The following ANKRD28 variants were observed in gnomAD, a reference collection of about 807,000 sequenced individuals.
The protein encoded by ANKRD28 is ankyrin repeat domain 28, also known as serine/threonine-protein phosphatase 6 regulatory ankyrin repeat subunit A.
In ANKRD28, 44 loss-of-function variants were observed where a neutral mutation model predicts 126.5. The ratio of observed to expected loss-of-function variants is 0.35; its 90% CI spans 0.27 to 0.45. The LOEUF (loss-of-function observed/expected upper bound fraction) is 0.45, where lower values mean the gene tolerates loss of function less well. Ranked by LOEUF, ANKRD28 falls within the 20% of genes least tolerant of loss-of-function variation. The probability of loss-of-function intolerance (pLI) is 1.00; values close to 1 mark genes in which losing one functional copy is unlikely to be tolerated. For synonymous variants in ANKRD28, 442 were observed against 468.5 expected (o/e 0.94, Z 0.73); for missense variants, 1,110 against 1,316.6 (o/e 0.84, Z 2.43).
At chr3:15,857,510 C>T (rs2061799649) in intron 1 of ANKRD28, among the ~76,000 whole-genome samples, 1 of 152,196 alleles carries the variant, frequency 6.6e-6, no homozygotes, top group Non-Finnish European at 1.5e-5. Flanking sequence ...GTCTTGAACT[C>T]CTAACCTCAA....
In ANKRD28 at chr3:15,845,325, T is replaced by C. The variant is rs1165433314; in HGVS notation, c.27+14052A>G. Among the ~76,000 whole-genome samples, 3 of 152,090 alleles carry C rather than the reference T, an allele frequency of 2.0e-5. No individual in the cohort carries two copies. The highest frequency in any genetic ancestry group is 4.4e-5 in the Non-Finnish European group (3 of 68,022). ...CATTTCTAAAGTATATATATATATA[T>C]ATTCCATATTACATTTATCCCTCTT... On this transcript the variant is annotated intron_variant, in intron 1 of 27. Coordinates refer to the ANKRD28 transcript ENST00000399451. The surrounding 1 kb of genome is among the most constrained non-coding windows in gnomAD (Gnocchi z 4.9).
intron 3 of ANKRD28, among the ~76,000 whole-genome samples, chr3:15,753,156 AG>A (rs2057961099): frequency 6.6e-6 from 1 of 152,238 alleles, no homozygotes; most frequent in African/African-American, 2.4e-5. Flanking sequence ...CTATGGAAGA[AG>A]GAAAGGAAGA....
chr3:15,677,210 C>T (rs902414058), intron 25 of ANKRD28, among the ~76,000 whole-genome samples, 154 bp from the exon 26 acceptor site: 1 of 152,084 alleles, frequency 6.6e-6, no homozygotes, highest in Non-Finnish European at 1.5e-5. Context: ...TGCCCAAACA[C>T]ATCTTGGGAG....
intron 1 of ANKRD28, among the ~76,000 whole-genome samples, chr3:15,857,480 T>A: frequency 1.3e-5 from 2 of 152,198 alleles, no homozygotes; most frequent in East Asian, 3.8e-4. Flanking sequence ...AAACGGGGTT[T>A]CACCATGTTG....
intron 14 of ANKRD28, among the ~76,000 whole-genome samples, chr3:15,702,981 C>CA (rs372381349): frequency 9.8e-4 from 150 of 152,304 alleles, no homozygotes; most frequent in African/African-American, 3.6e-3. Flanking sequence ...ATCTCCATTT[C>CA]ACAGATTAAA....
At position 15,669,903 on chromosome 3, in the gene ANKRD28, T is replaced by G. The variant is rs926635363; in HGVS notation, c.*367A>C. On this transcript the variant is annotated 3_prime_UTR_variant, in exon 28 of 28. Coordinates refer to ENST00000683139, the MANE Select transcript of ANKRD28 (RefSeq NM_001349278.2). ...TATTGCCTTTAAATTTAGTTGTAAT[T>G]TTATTGATAAAATTTAAATCTAGTG... is the stretch of plus-strand genomic sequence containing the variant. 1.8e-5 allele frequency: 3 copies of G among 169,278 alleles called. No homozygotes were observed. The highest frequency in any genetic ancestry group is 7.2e-5 in the African/African-American group (3 of 41,884). The allele number at this position is 169,278 out of a possible 1,614,324, so 10.5% of individuals were successfully genotyped here.
chr3:15,794,155 T>C (rs894760952), intron 2 of ANKRD28, among the ~76,000 whole-genome samples: 1 of 152,178 alleles, frequency 6.6e-6, no homozygotes, highest in African/African-American at 2.4e-5. Context: ...GCAATTCACT[T>C]AGAAAAAATT....
rs2071688281 is a variant in ANKRD28, at chr3:15,707,994, T to C, written c.1477A>G (p.Ser493Gly). The part of the protein sequence containing the change: ...CLFALVGSGA[S>G]VNDLDERGCT... ...CCTCTTTCATCAAGGTCATTCACAC[T>C]TGCTCCTGATCCCACAAGAGCAAAC... Residue 493 changes from serine (S) to glycine (G), a missense_variant, in exon 14 of 28, where the codon AGT becomes GGT. Physicochemically the swap from Ser to Gly is moderately conservative, Grantham distance 56. Transcript: ENST00000683139. 1 of 1,611,884 alleles carries C rather than the reference T, an allele frequency of 6.2e-7. No individual in the cohort carries two copies. Among genetic ancestry groups the C allele is most frequent in the South Asian group, 1.1e-5 (1 of 90,572 alleles).
At chr3:15,859,388 G>A in exon 1 of ANKRD28, 13 of 1,528,768 alleles carry the variant, frequency 8.5e-6, no homozygotes, top group Non-Finnish European at 9.6e-6. Flanking sequence ...TGGTCACGGA[G>A]TTTGAGGAAC....
intron 13 of ANKRD28, among the ~76,000 whole-genome samples, chr3:15,709,312 G>T (rs901033261): frequency 1.2e-4 from 18 of 152,112 alleles, no homozygotes; most frequent in Admixed American, 1.0e-3. Context: ...TTGGAGAAAG[G>T]AGAACTGTAT....
At position 15,774,529 on chromosome 3, in the gene ANKRD28, T is replaced by C. The variant is rs186948630; in HGVS notation, c.202-8217A>G. Reference sequence around the variant, plus strand: ...CAAACACTACCTCACATTATATGTATAATTTAACTGCAAATATATTATAAA... The same window carrying C: ...CAAACACTACCTCACATTATATGTACAATTTAACTGCAAATATATTATAAA... On this transcript the variant is annotated intron_variant, in intron 2 of 27. Coordinates refer to ENST00000683139, the MANE Select transcript of ANKRD28 (RefSeq NM_001349278.2). Among the ~76,000 whole-genome samples, 215 of 152,286 alleles carry C rather than the reference T, an allele frequency of 1.4e-3. 1 individual carries two copies. The highest frequency in any genetic ancestry group is 4.9e-3 in the African/African-American group (203 of 41,580).
In ANKRD28 at chr3:15,854,231, A is replaced by G. The variant is rs776891630; in HGVS notation, c.27+5146T>C. Reference sequence around the variant, plus strand: ...TCCAAACTTCTCAGCCTGGGATTCAAAGTACTTAATGTAGTCACTGTTAAC... The same window carrying G: ...TCCAAACTTCTCAGCCTGGGATTCAGAGTACTTAATGTAGTCACTGTTAAC... On this transcript the variant is annotated intron_variant, in intron 1 of 27. Coordinates refer to the ANKRD28 transcript ENST00000399451. The surrounding 1 kb of genome is among the most constrained non-coding windows in gnomAD (Gnocchi z 4.1). Among the ~76,000 whole-genome samples the G allele has an allele frequency of 1.3e-5, 2 of 152,216 alleles. No individual in the cohort carries two copies. Among genetic ancestry groups the G allele is most frequent in the Non-Finnish European group, 2.9e-5 (2 of 68,030 alleles).
At chr3:15,673,538 T>C (rs530396705) in intron 27 of ANKRD28, among the ~76,000 whole-genome samples, 11 of 152,334 alleles carry the variant, frequency 7.2e-5, no homozygotes, top group Non-Finnish European at 1.0e-4. Context: ...GTACATTATA[T>C]ACAATATGTT....
Position 15,796,687 on chromosome 3 carries a change from GT to G in ANKRD28, c.-167del. On this transcript the variant is annotated 5_prime_UTR_variant, in exon 1 of 28. Coordinates refer to ENST00000683139, the MANE Select transcript of ANKRD28 (RefSeq NM_001349278.2). ...TTAATAAGTACTACTGGAAAAACAA[GT>G]TTAAAATTATGACTACATAATTTGT... 2.1e-6 allele frequency: 2 copies of G among 959,398 alleles called. No homozygotes were observed. Among genetic ancestry groups the G allele is most frequent in the Non-Finnish European group, 2.5e-6 (2 of 802,806 alleles). 59.4% of individuals were successfully genotyped at this position (959,398 alleles called of 1,614,324 possible).
At position 15,680,016 on chromosome 3, in the gene ANKRD28, A is replaced by G. The variant is rs1054856684; in HGVS notation, c.2390-453T>C. Among the ~76,000 whole-genome samples the G allele has an allele frequency of 2.2e-4, 34 of 152,304 alleles. 5 individuals are homozygous for G. Among genetic ancestry groups the G allele is most frequent in the Admixed American group, 9.8e-4 (15 of 15,302 alleles). ...ATATGCAAATACTATCCCATTTTCT[A>G]TAAGGGACTTGAGCGCCTGTTGGTT... On this transcript the variant is annotated intron_variant, in intron 21 of 27. Coordinates refer to ENST00000683139, the MANE Select transcript of ANKRD28 (RefSeq NM_001349278.2).
At chr3:15,850,746 T>C (rs998329531) in intron 1 of ANKRD28, among the ~76,000 whole-genome samples, 10 of 152,178 alleles carry the variant, frequency 6.6e-5, no homozygotes, top group African/African-American at 2.4e-4. Context: ...TTTTGTAACA[T>C]CCTTTAGAAT....
At chr3:15,699,151 T>C (rs1030741387) in intron 14 of ANKRD28, among the ~76,000 whole-genome samples, 1 of 152,238 alleles carries the variant, frequency 6.6e-6, no homozygotes, top group Non-Finnish European at 1.5e-5. Flanking sequence ...AAGGATTTCT[T>C]ATTTAATAAA....
chr3:15,786,413 A>G (rs775925812), intron 2 of ANKRD28, among the ~76,000 whole-genome samples: 39 of 152,116 alleles, frequency 2.6e-4, no homozygotes, highest in Non-Finnish European at 3.8e-4. Flanking sequence ...TTCCATTTAT[A>G]TAACACTCTA....
intron 9 of ANKRD28, 106 bp from the exon 10 acceptor site, chr3:15,713,747 A>G (rs1167808798): frequency 3.4e-6 from 2 of 593,282 alleles, no homozygotes; most frequent in Non-Finnish European, 5.6e-6. Context: ...ACTAATAGAT[A>G]CAGCAATTTT....
Sources: allele counts gnomAD v4.1 joint callset (sites outside exome capture counted in the v4.1 genomes callset), GRCh38; gene constraint gnomAD v4.1.1; non-coding constraint Gnocchi (gnomAD v3.1); transcripts MANE v1.5; gene names NCBI Gene and HGNC (gene_info 2026-07-23, HGNC 2026-07-21).